Variants in CLVS1 observed in about 807,000 individuals in gnomAD.
The protein encoded by CLVS1 is clavesin-1.
CLVS1 carries 10 observed loss-of-function variants against 33.1 expected under a neutral mutation model. The observed-to-expected ratio is 0.30, with a 90% confidence interval of 0.19 to 0.51. CLVS1 has a LOEUF of 0.51. Ranked by LOEUF, CLVS1 falls within the 20% of genes least tolerant of loss-of-function variation. The pLI is 0.97. For missense variants in CLVS1, 343 were observed against 433.4 expected, an observed-to-expected ratio of 0.79 and a Z score of 1.85; for synonymous variants, 163 against 166.1, an observed-to-expected ratio of 0.98 and a Z score of 0.14.
intron 2 of CLVS1, among the ~76,000 whole-genome samples, chr8:61,360,323 A>T (rs1424850356): frequency 1.3e-5 from 2 of 152,164 alleles, no homozygotes. Context: ...TGATTCTAGA[A>T]GTCCCCTTTC....
chr8:61,255,782 T>G (rs1427101168), intron 2 of CLVS1, among the ~76,000 whole-genome samples: 1 of 152,156 alleles, frequency 6.6e-6, no homozygotes, highest in Non-Finnish European at 1.5e-5. Context: ...ACTCTGAAAC[T>G]TGAACCTACT....
intron 2 of CLVS1, among the ~76,000 whole-genome samples, chr8:61,345,764 G>A: frequency 6.6e-6 from 1 of 151,870 alleles, no homozygotes; most frequent in East Asian, 1.9e-4. Flanking sequence ...AAGAGGTAGA[G>A]AAGAGGAAAG....
chr8:61,245,850 C>T (rs1240084246), intron 2 of CLVS1, among the ~76,000 whole-genome samples: 1 of 151,876 alleles, frequency 6.6e-6, no homozygotes, highest in South Asian at 2.1e-4. Context: ...GTCATTGACA[C>T]CTTGACCTGC....
rs1817592889 is a variant in CLVS1 at position 61,467,616 on chromosome 8, G to A, written c.977+9074G>A. On this transcript the variant is annotated intron_variant, in intron 5 of 5. Transcript: ENST00000325897. ...GGGGCAGTGGTTTCCCAAAGAAGAG[G>A]TACGGACCATATCGAAACTGTATAT... Among the ~76,000 whole-genome samples, 3 of 152,060 alleles carry A rather than the reference G, an allele frequency of 2.0e-5. No individual in the cohort carries two copies. The South Asian group carries it at 6.2e-4, about 32-fold the overall frequency.
intron 1 of CLVS1, among the ~76,000 whole-genome samples, chr8:61,069,735 C>G (rs1253424382): frequency 6.6e-6 from 1 of 152,186 alleles, no homozygotes; most frequent in Non-Finnish European, 1.5e-5. Context: ...TGCAAGTCCT[C>G]TGACTTCCCC....
At chr8:61,043,246 T>C in the CLVS1 span, among the ~76,000 whole-genome samples, 64 of 152,338 alleles carry the variant, frequency 4.2e-4, no homozygotes, top group Middle Eastern at 6.8e-3. Context: ...TTCCTGACCT[T>C]GGAGTAAAAG....
At chr8:61,345,848 T>C (rs1402596237) in intron 2 of CLVS1, among the ~76,000 whole-genome samples, 1 of 152,030 alleles carries the variant, frequency 6.6e-6, no homozygotes, top group Non-Finnish European at 1.5e-5. Flanking sequence ...AAATGAGATC[T>C]TGTGGCTGGC....
At chr8:61,198,478 C>T (rs146325079) in intron 2 of CLVS1, among the ~76,000 whole-genome samples, 11 of 152,296 alleles carry the variant, frequency 7.2e-5, no homozygotes, top group South Asian at 2.1e-4. Context: ...ATCCTGGGTT[C>T]GAGCGATTCT....
intron 2 of CLVS1, among the ~76,000 whole-genome samples, chr8:61,277,998 G>A (rs1003322684): frequency 2.0e-5 from 3 of 152,256 alleles, no homozygotes; most frequent in Non-Finnish European, 2.9e-5. Flanking sequence ...ATCATGTCCA[G>A]TCCTAGAAGG....
At position 61,350,313 on chromosome 8, in the gene CLVS1, CT is replaced by C. The variant is rs565381805; in HGVS notation, c.456-26289del. On this transcript the variant is annotated intron_variant, in intron 2 of 5. Transcript: ENST00000325897. ...CCCATTTGGGTCATTGCTGACTTCT[CT>C]TTCCAGAGGTCTAGTTAGCGTCTCT... 6.6e-4 allele frequency among the ~76,000 whole-genome samples: 101 copies of C among 152,286 alleles called. 1 individual carries two copies. In the South Asian group the frequency reaches 0.018, roughly 27 times the overall value.
At chr8:61,030,637 G>A in the CLVS1 span, among the ~76,000 whole-genome samples, 22 of 152,298 alleles carry the variant, frequency 1.4e-4, no homozygotes, top group Non-Finnish European at 2.5e-4. Flanking sequence ...AGTTTGTGCC[G>A]AGAAGGTGGC....
chr8:61,077,810 G>A (rs1488339769), intron 1 of CLVS1, among the ~76,000 whole-genome samples: 1 of 152,222 alleles, frequency 6.6e-6, no homozygotes, highest in African/African-American at 2.4e-5. Flanking sequence ...GGCTGCCCAT[G>A]AGTGGGCCCG....
chr8:61,034,224 T>C, the CLVS1 span, among the ~76,000 whole-genome samples: 1 of 152,258 alleles, frequency 6.6e-6, no homozygotes, highest in Non-Finnish European at 1.5e-5. Context: ...GTTTTACCTA[T>C]TTCATTTCAT....
rs1253039459 is a variant in CLVS1, at chr8:61,338,580, A to C, written c.456-38025A>C. Among the ~76,000 whole-genome samples the C allele has an allele frequency of 2.0e-5, 3 of 152,332 alleles. No individual in the cohort carries two copies. In the East Asian group the frequency reaches 5.8e-4, roughly 29 times the overall value. ...TAGTCTGTACTTACGCAATAAGGGT[A>C]TCAGGATCGCAGCACACATTTTTGG... On this transcript the variant is annotated intron_variant, in intron 2 of 5. Coordinates refer to ENST00000325897, the MANE Select transcript of CLVS1 (RefSeq NM_173519.3).
intron 3 of CLVS1, among the ~76,000 whole-genome samples, chr8:61,403,742 T>C (rs1279448948): frequency 6.6e-6 from 1 of 152,202 alleles, no homozygotes; most frequent in African/African-American, 2.4e-5. Flanking sequence ...GTTTTGCACA[T>C]TGTAAACATT....
Position 61,300,224 on chromosome 8 carries a change from C to A in CLVS1, c.397C>A (p.Arg133=), listed in dbSNP as rs756911932. Residue 133 remains arginine, a synonymous_variant, in exon 2 of 6, where the codon CGA becomes AGA. Coordinates refer to ENST00000325897, the MANE Select transcript of CLVS1 (RefSeq NM_173519.3). ...IDGFPGVLEN[R]DHYGRKILLL... Reference sequence around the variant, plus strand: ...TGGGTTCCCCGGGGTGCTGGAAAACCGAGACCATTACGGCAGGAAGATTCT... The same window carrying A: ...TGGGTTCCCCGGGGTGCTGGAAAACAGAGACCATTACGGCAGGAAGATTCT... 6.2e-6 allele frequency: 10 copies of A among 1,613,892 alleles called. No homozygotes were observed. Among genetic ancestry groups the A allele is most frequent in the South Asian group, 1.1e-5 (1 of 91,078 alleles).
the CLVS1 span, among the ~76,000 whole-genome samples, chr8:61,002,270 C>T: frequency 6.6e-6 from 1 of 151,524 alleles, no homozygotes; most frequent in African/African-American, 2.4e-5. Context: ...ACAAGAGCAA[C>T]TGCACCCAGC....
At chr8:61,429,218 A>C (rs140411815) in intron 3 of CLVS1, among the ~76,000 whole-genome samples, 1 of 152,046 alleles carries the variant, frequency 6.6e-6, no homozygotes, top group Non-Finnish European at 1.5e-5. Flanking sequence ...TCAGGAGTTC[A>C]AGACCAGCCT....
chr8:61,066,792 A>C (rs1436686136), intron 1 of CLVS1, among the ~76,000 whole-genome samples: 2 of 152,220 alleles, frequency 1.3e-5, no homozygotes, highest in Non-Finnish European at 2.9e-5. Context: ...TTTCAGGGGA[A>C]AGTGTCCACG....
Sources: allele counts gnomAD v4.1 joint callset (sites outside exome capture counted in the v4.1 genomes callset), GRCh38; gene constraint gnomAD v4.1.1; transcripts MANE v1.5; gene names NCBI Gene and HGNC (gene_info 2026-07-23, HGNC 2026-07-21).